The following PRIM2 variants were observed in gnomAD, a reference collection of about 807,000 sequenced individuals.
The protein encoded by PRIM2 is DNA primase subunit 2, also known as DNA primase large subunit.
PRIM2 carries 39 observed loss-of-function variants against 67.3 expected under a neutral mutation model. The observed-to-expected ratio is 0.58, with a 90% CI of 0.45 to 0.76. PRIM2 has a LOEUF of 0.76. Among genes scored for constraint, PRIM2 ranks in the 30% least tolerant of loss-of-function variants. The pLI is 0.00. For missense variants in PRIM2, 398 were observed against 598.7 expected (o/e 0.66, Z 3.50); for synonymous variants, 143 against 198.7 (o/e 0.72, Z 2.36).
At chr6:57,227,095 A>T in the PRIM2 span, among the ~76,000 whole-genome samples, 1 of 152,112 alleles carries the variant, frequency 6.6e-6, no homozygotes. Context: ...TTACTGCCCA[A>T]GTCTTTCTCA....
At chr6:57,605,413 T>C (rs1376293072) in intron 11 of PRIM2, among the ~76,000 whole-genome samples, 1 of 152,184 alleles carries the variant, frequency 6.6e-6, no homozygotes, top group African/African-American at 2.4e-5. Flanking sequence ...CAGGGCTTTT[T>C]CTGGTTGATA....
chr6:57,541,459 C>T (rs1398623709), intron 10 of PRIM2, among the ~76,000 whole-genome samples: 3 of 151,976 alleles, frequency 2.0e-5, no homozygotes, highest in African/African-American at 7.3e-5. Flanking sequence ...ATATATAATA[C>T]AGTGAATATA....
At chr6:57,600,449 C>A (rs1383689990) in intron 10 of PRIM2, among the ~76,000 whole-genome samples, 2 of 151,508 alleles carry the variant, frequency 1.3e-5, no homozygotes, top group Non-Finnish European at 2.9e-5. Context: ...GCCTCAACCC[C>A]CCAGCCCAAG....
At chr6:57,235,788 TA>T in the PRIM2 span, among the ~76,000 whole-genome samples, 8 of 152,104 alleles carry the variant, frequency 5.3e-5, no homozygotes, top group African/African-American at 1.9e-4. Flanking sequence ...GCCAAAAAAG[TA>T]GATGTGACAC....
intron 7 of PRIM2, among the ~76,000 whole-genome samples, chr6:57,421,744 TAG>T (rs1771474134): frequency 1.3e-5 from 2 of 152,340 alleles, no homozygotes; most frequent in South Asian, 2.1e-4. Context: ...TATTGGTGGT[TAG>T]AGTCTCTGCC....
rs1273715302 is a variant in PRIM2, at chr6:57,645,926, A to T, written c.1300-2A>T. The T allele has an allele frequency of 2.0e-6, 3 of 1,477,220 alleles. No individual in the cohort carries two copies. The Admixed American group carries it at 5.2e-5, about 25-fold the overall frequency. 91.5% of individuals were successfully genotyped at this position (1,477,220 alleles called of 1,614,324 possible). ...TGCAATATAAATTTCCTTCCTTTACAGGTGGATGATTGTGGCTTTTCTTTG... is the reference window on the plus strand; with the variant it reads ...TGCAATATAAATTTCCTTCCTTTACTGGTGGATGATTGTGGCTTTTCTTTG... On this transcript the variant is annotated splice_acceptor_variant, in intron 13 of 13. Transcript: ENST00000615550. LOFTEE classifies it high-confidence loss of function.
At chr6:57,274,926 G>C in the PRIM2 span, among the ~76,000 whole-genome samples, 1 of 149,592 alleles carries the variant, frequency 6.7e-6, no homozygotes, top group Non-Finnish European at 1.5e-5. Flanking sequence ...ACAGGCACGT[G>C]CCTCAACACC....
the PRIM2 span, among the ~76,000 whole-genome samples, chr6:57,274,329 G>A: frequency 2.1e-4 from 32 of 152,310 alleles, no homozygotes; most frequent in East Asian, 4.8e-3. Flanking sequence ...CGGCAATGGC[G>A]GGTGCCCCTC....
intron 2 of PRIM2, among the ~76,000 whole-genome samples, chr6:57,319,604 TG>T (rs1767583558): frequency 6.6e-6 from 1 of 152,202 alleles, no homozygotes; most frequent in Non-Finnish European, 1.5e-5. Context: ...GATAAGGGCC[TG>T]AACTATGATA....
chr6:57,481,405 T>G (rs1398346858), intron 7 of PRIM2, among the ~76,000 whole-genome samples: 5 of 152,180 alleles, frequency 3.3e-5, no homozygotes, highest in African/African-American at 9.7e-5. Flanking sequence ...GATAATGCCC[T>G]GGAGATCCAT....
chr6:57,311,765 G>C (rs1316864278), upstream of PRIM2, among the ~76,000 whole-genome samples: 1 of 152,064 alleles, frequency 6.6e-6, no homozygotes, highest in Non-Finnish European at 1.5e-5. Flanking sequence ...GCGAGACTCC[G>C]TCTGCAATCC....
At chr6:57,518,777 C>G (rs1554348543) in intron 8 of PRIM2, among the ~76,000 whole-genome samples, 1 of 152,190 alleles carries the variant, frequency 6.6e-6, no homozygotes, top group East Asian at 1.9e-4. Flanking sequence ...TGTTTTGGGA[C>G]ATAGGACTCT....
At chr6:57,270,328 C>T in the PRIM2 span, among the ~76,000 whole-genome samples, 3 of 152,116 alleles carry the variant, frequency 2.0e-5, 1 homozygote, top group Non-Finnish European at 4.4e-5. Flanking sequence ...TTGTAGTTCT[C>T]CTTGAAGAGG....
intron 5 of PRIM2, among the ~76,000 whole-genome samples, chr6:57,370,949 C>T (rs1408556318): frequency 6.6e-6 from 1 of 152,098 alleles, no homozygotes. Flanking sequence ...CTGCCCACCT[C>T]AGCCTCCCAA....
At chr6:57,316,029 C>T, upstream of PRIM2, among the ~76,000 whole-genome samples, 1 of 152,158 alleles carries the variant, frequency 6.6e-6, no homozygotes, top group East Asian at 1.9e-4. Context: ...TGTCATATTA[C>T]TGGAATTGGT....
At chr6:57,317,602 T>G (rs1156716268), upstream of PRIM2, 3 of 152,722 alleles carry the variant, frequency 2.0e-5, no homozygotes, top group East Asian at 5.8e-4. Context: ...GCTGGCCTTC[T>G]GTGCTAGTCA....
At chr6:57,420,806 G>A (rs1000816471) in intron 7 of PRIM2, among the ~76,000 whole-genome samples, 10 of 152,290 alleles carry the variant, frequency 6.6e-5, no homozygotes, top group South Asian at 4.1e-4. Flanking sequence ...GGAGGGTATG[G>A]AACAATGATT....
chr6:57,348,059 G>C (rs964328104), intron 5 of PRIM2, among the ~76,000 whole-genome samples: 7 of 151,902 alleles, frequency 4.6e-5, no homozygotes, highest in Non-Finnish European at 8.8e-5. Flanking sequence ...GCTGACAGTT[G>C]TTGGCAGGAA....
intron 7 of PRIM2, among the ~76,000 whole-genome samples, chr6:57,432,946 G>A (rs1440946498): frequency 6.6e-6 from 1 of 152,192 alleles, no homozygotes; most frequent in Non-Finnish European, 1.5e-5. Context: ...AAGTAATACA[G>A]CTTTTTCTAA....
Sources: gnomAD v4.1 joint callset for allele counts (sites outside exome capture counted in the v4.1 genomes callset) on GRCh38, gnomAD v4.1.1 for gene constraint, MANE v1.5 for transcripts, NCBI Gene and HGNC (gene_info 2026-07-23, HGNC 2026-07-21) for gene names.